SLC15A2: variants seen among roughly 807,000 people sequenced by gnomAD.
SLC15A2 encodes solute carrier family 15 member 2.
Under a neutral mutation model 95.5 loss-of-function variants are expected in SLC15A2, and 77 were observed. The observed-to-expected ratio is 0.81, with a 90% CI of 0.67 to 0.97. SLC15A2 has a LOEUF of 0.97. SLC15A2 is among the 50% of genes least tolerant of loss of function. The pLI is 0.00. For missense variants in SLC15A2, 893 were observed against 874.4 expected (o/e 1.02, Z -0.27); for synonymous variants, 306 against 306.9 (o/e 1.00, Z 0.03).
chr3:121,897,580 A>C, intron 3 of SLC15A2, 51 bp downstream of exon 3: 2 of 1,598,640 alleles, frequency 1.3e-6, no homozygotes, highest in Non-Finnish European at 1.7e-6. Context: ...GTTGTGCAGA[A>C]GGCTATCACT....
At position 121,915,308 on chromosome 3, in the gene SLC15A2, A is replaced by C; in HGVS notation, c.610A>C (p.Met204Leu). The change falls in exon 6 of 22, where the codon ATG becomes CTG. Residue 204 changes from methionine (M) to leucine (L), a missense_variant. Physicochemically the swap from Met to Leu is conservative, Grantham distance 15. Transcript: ENST00000489711. ...GSLISTFITP[M>L]LRGDVQCFGE... The stretch of plus-strand genomic sequence containing the variant: ...CTTGATTTCTACATTTATCACACCC[A>C]TGCTGAGAGGTTAGGATTTTTTTGA... 6.3e-7 allele frequency: 1 copy of C among 1,599,366 alleles called. No individual in the cohort carries two copies. The highest frequency in any genetic ancestry group is 8.5e-7 in the Non-Finnish European group (1 of 1,173,956).
intron 19 of SLC15A2, 24 bp from the exon 20 acceptor site, chr3:121,939,325 A>G (rs2107614587): frequency 6.8e-7 from 1 of 1,473,814 alleles, no homozygotes; most frequent in Non-Finnish European, 9.0e-7. Flanking sequence ...TGACAAGTCC[A>G]TTTCCATTTT....
At chr3:121,915,801 CTATTGGGTAA>C in intron 7 of SLC15A2, 108 bp downstream of exon 7, 1 of 759,464 alleles carries the variant, frequency 1.3e-6, no homozygotes. Flanking sequence ...CACACCAGGC[CTATTGGGTAA>C]CTGTTATTGT....
intron 7 of SLC15A2, among the ~76,000 whole-genome samples, 172 bp downstream of exon 7, chr3:121,915,865 A>T (rs1196559293): frequency 6.6e-6 from 1 of 152,222 alleles, no homozygotes. Context: ...GAATGAAGTC[A>T]GAAACTTTAA....
intron 4 of SLC15A2, among the ~76,000 whole-genome samples, chr3:121,912,523 G>C (rs1295315066): frequency 6.6e-6 from 1 of 152,128 alleles, no homozygotes; most frequent in South Asian, 2.1e-4. Context: ...CGTAGCCTCT[G>C]CACCTGGCCT....
At chr3:121,931,817 A>G (rs992267583) in intron 19 of SLC15A2, 82 bp downstream of exon 19, 2 of 788,104 alleles carry the variant, frequency 2.5e-6, no homozygotes, top group Admixed American at 2.1e-5. Flanking sequence ...GCAGAAAACA[A>G]AAGAGAAGAC....
chr3:121,912,227 TTTTG>T (rs148320063), intron 4 of SLC15A2, among the ~76,000 whole-genome samples: 6 of 152,034 alleles, frequency 3.9e-5, no homozygotes, highest in African/African-American at 1.2e-4. Flanking sequence ...GAGTTAGAAA[TTTTG>T]TTTGTTTGTT....
rs140874921 is a variant in SLC15A2 at position 121,940,482 on chromosome 3, G to A, written c.2007G>A (p.Leu669=). 2.5e-4 allele frequency: 397 copies of A among 1,612,306 alleles called. No individual in the cohort carries two copies. The highest frequency in any genetic ancestry group is 3.2e-4 in the Non-Finnish European group (376 of 1,178,612). The change falls in exon 21 of 22, where the codon CTG becomes CTA. Residue 669 remains leucine, a synonymous_variant. Transcript: ENST00000489711. ...IVLVVAQFSG[L]VQWAEFILFS... is the part of the protein sequence containing the mutation. The stretch of plus-strand genomic sequence containing the variant: ...TTGTTGTGGCACAGTTCAGTGGCCT[G>A]GTACAGGTATGGATCTGAGGGAAGC...
chr3:121,939,347 A>G lies in SLC15A2; in HGVS notation c.1762-2A>G. 6.6e-7 allele frequency: 1 copy of G among 1,514,160 alleles called. No individual in the cohort carries two copies. The highest frequency in any genetic ancestry group is 2.5e-5 in the East Asian group (1 of 40,232). 93.8% of individuals were successfully genotyped at this position (1,514,160 alleles called of 1,614,324 possible). A position where few individuals can be genotyped will look rare whatever the true frequency, so the allele number is the denominator to read the frequency against. On this transcript the variant is annotated splice_acceptor_variant, in intron 19 of 21. Coordinates refer to ENST00000489711, the MANE Select transcript of SLC15A2 (RefSeq NM_021082.4). LOFTEE classifies it high-confidence loss of function. The stretch of plus-strand genomic sequence containing the variant: ...TCCATTTCCATTTTCTCTTTCCCTA[A>G]GAACACCAATCAGGGTCTTCAGGCC...
intron 19 of SLC15A2, among the ~76,000 whole-genome samples, chr3:121,936,893 C>T (rs1378362211): frequency 8.9e-5 from 13 of 146,170 alleles, no homozygotes; most frequent in East Asian, 8.1e-4. Context: ...GATTTTGCAG[C>T]GGCTGGTACC....
At chr3:121,928,383 A>AT (rs1335479906) in intron 14 of SLC15A2, 38 bp from the exon 15 acceptor site, 3 of 1,605,648 alleles carry the variant, frequency 1.9e-6, no homozygotes, top group Non-Finnish European at 2.6e-6. Flanking sequence ...CTGAAGGATT[A>AT]TTTGTTGGTG....
At chr3:121,910,354 G>A (rs991832491) in intron 3 of SLC15A2, among the ~76,000 whole-genome samples, 8 of 152,034 alleles carry the variant, frequency 5.3e-5, no homozygotes, top group Non-Finnish European at 8.8e-5. Context: ...ATGTCACCAC[G>A]CCCAGCTAAT....
intron 4 of SLC15A2, 123 bp from the exon 5 acceptor site, chr3:121,912,898 G>C: frequency 1.5e-6 from 1 of 658,356 alleles, no homozygotes; most frequent in Non-Finnish European, 2.7e-6. Flanking sequence ...AGTACCCATG[G>C]GGTAGAAATG....
At chr3:121,918,799 G>T (rs1293847085) in intron 7 of SLC15A2, among the ~76,000 whole-genome samples, 1 of 152,196 alleles carries the variant, frequency 6.6e-6, no homozygotes, top group African/African-American at 2.4e-5. Flanking sequence ...ACAACAAGGA[G>T]GTCACTGATA....
rs769769166 is a variant in SLC15A2, at chr3:121,928,462, A to G, written c.1248A>G (p.Leu416=). ...PAQPGPQEVF[L]QVLNLADDEV... is the part of the protein sequence containing the mutation. The stretch of plus-strand genomic sequence containing the variant: ...AGCCAGGTCCCCAGGAGGTTTTCCT[A>G]CAAGTCTTGAATCTGGCAGATGATG... Residue 416 remains leucine (L), a synonymous_variant, in exon 15 of 22, where the codon CTA becomes CTG. Transcript: ENST00000489711. 45 of 1,614,004 alleles carry G rather than the reference A, an allele frequency of 2.8e-5. No individual in the cohort carries two copies. Among genetic ancestry groups the G allele is most frequent in the Non-Finnish European group, 3.6e-5 (43 of 1,179,982 alleles).
chr3:121,922,175 C>A, intron 7 of SLC15A2, 45 bp from the exon 8 acceptor site: 2 of 1,526,946 alleles, frequency 1.3e-6, no homozygotes, highest in Non-Finnish European at 1.8e-6. Context: ...TTGCACCAAC[C>A]TAATAAATGA....
chr3:121,921,572 A>T (rs914831472), intron 7 of SLC15A2, among the ~76,000 whole-genome samples: 1 of 152,154 alleles, frequency 6.6e-6, no homozygotes, highest in African/African-American at 2.4e-5. Context: ...AAACCTTCAA[A>T]TAGATGTTAG....
chr3:121,910,519 G>A (rs995045082), intron 3 of SLC15A2, among the ~76,000 whole-genome samples: 6 of 151,980 alleles, frequency 3.9e-5, no homozygotes, highest in East Asian at 1.9e-4. Context: ...TCCGCTACCC[G>A]CCATACACTT....
At chr3:121,913,582 G>A (rs142642112) in intron 5 of SLC15A2, among the ~76,000 whole-genome samples, 2 of 152,330 alleles carry the variant, frequency 1.3e-5, no homozygotes, top group African/African-American at 4.8e-5. Context: ...AATGGGAGGT[G>A]ATAAGTAGTA....
Sources: gnomAD v4.1 joint callset for allele counts (sites outside exome capture counted in the v4.1 genomes callset) on GRCh38, gnomAD v4.1.1 for gene constraint, MANE v1.5 for transcripts, NCBI Gene and HGNC (gene_info 2026-07-23, HGNC 2026-07-21) for gene names.